Variants in HS6ST3 observed in about 807,000 individuals in gnomAD.
The protein encoded by HS6ST3 is heparan sulfate 6-O-sulfotransferase 3.
A neutral mutation model predicts 36.7 loss-of-function variants in HS6ST3; 12 were observed. The observed-to-expected ratio is 0.33, with a 90% CI of 0.21 to 0.53. The LOEUF (loss-of-function observed/expected upper bound fraction) is 0.53, where lower values mean the gene tolerates loss of function less well. HS6ST3 is among the 20% of genes least tolerant of loss of function. The probability of loss-of-function intolerance (pLI) is 0.95; values close to 1 mark genes in which losing one functional copy is unlikely to be tolerated. For missense variants in HS6ST3, 584 were observed against 640.9 expected (o/e 0.91, Z 0.96); for synonymous variants, 240 against 257.5 (o/e 0.93, Z 0.65).
intron 1 of HS6ST3, among the ~76,000 whole-genome samples, chr13:96,232,773 G>T (rs1484311844): frequency 6.6e-6 from 1 of 152,176 alleles, no homozygotes; most frequent in African/African-American, 2.4e-5. Context: ...TTCCCTTGGT[G>T]CTGTGCTCAA....
intron 1 of HS6ST3, among the ~76,000 whole-genome samples, chr13:96,375,428 C>T (rs2055310232): frequency 6.6e-6 from 1 of 152,122 alleles, no homozygotes; most frequent in Admixed American, 6.6e-5. Flanking sequence ...TGCTGTATTC[C>T]AATGCCTAGA....
At chr13:96,507,102 T>C (rs2056029596) in intron 1 of HS6ST3, among the ~76,000 whole-genome samples, 1 of 152,070 alleles carries the variant, frequency 6.6e-6, no homozygotes, top group Admixed American at 6.6e-5. Flanking sequence ...CTGAAAAAAA[T>C]TGGTTTCTTC....
In HS6ST3 at chr13:96,308,526, C is replaced by T. The variant is rs1448334863; in HGVS notation, c.707+216957C>T. ...TTAATGAGTAGATATTTGCATCAGG[C>T]AGCAGACTTATGTAAAAGACTTTAA... On this transcript the variant is annotated intron_variant, in intron 1 of 1. Coordinates refer to ENST00000376705, the MANE Select transcript of HS6ST3 (RefSeq NM_153456.4). 2.0e-5 allele frequency among the ~76,000 whole-genome samples: 3 copies of T among 152,168 alleles called. 1 individual carries two copies. In the South Asian group the frequency reaches 6.2e-4, roughly 32 times the overall value.
At chr13:96,419,886 C>T (rs1020544679) in intron 1 of HS6ST3, among the ~76,000 whole-genome samples, 1 of 152,146 alleles carries the variant, frequency 6.6e-6, no homozygotes, top group African/African-American at 2.4e-5. Context: ...CTCCAATGAT[C>T]TCATCTTAAA....
chr13:96,748,899 G>C (rs192703421), intron 1 of HS6ST3, among the ~76,000 whole-genome samples: 6 of 152,146 alleles, frequency 3.9e-5, no homozygotes, highest in Non-Finnish European at 7.4e-5. Flanking sequence ...CATTTGAGTT[G>C]GCACTTGATA....
intron 1 of HS6ST3, among the ~76,000 whole-genome samples, chr13:96,598,972 T>A (rs1255372181): frequency 6.6e-6 from 1 of 152,148 alleles, no homozygotes; most frequent in Non-Finnish European, 1.5e-5. Context: ...TCAGATTTAT[T>A]GACTTGTGTA....
At chr13:96,253,435 G>A (rs1450891901) in intron 1 of HS6ST3, among the ~76,000 whole-genome samples, 3 of 152,184 alleles carry the variant, frequency 2.0e-5, no homozygotes, top group Non-Finnish European at 4.4e-5. Context: ...GGAAAGGGAT[G>A]ACACAAGTGA....
In HS6ST3 at chr13:96,407,610, G is replaced by T. The variant is rs144936247; in HGVS notation, c.707+316041G>T. Reference sequence around the variant, plus strand: ...GAAGTGCCAATTACTTAAATCAGTAGATAAGATTTTGATAACCTAGCAAGA... The same window carrying T: ...GAAGTGCCAATTACTTAAATCAGTATATAAGATTTTGATAACCTAGCAAGA... On this transcript the variant is annotated intron_variant, in intron 1 of 1. Coordinates refer to ENST00000376705, the MANE Select transcript of HS6ST3 (RefSeq NM_153456.4). Among the ~76,000 whole-genome samples the T allele has an allele frequency of 2.0e-3, 310 of 152,282 alleles. 7 individuals carry two copies. In the East Asian group the frequency reaches 0.044, roughly 22 times the overall value.
intron 1 of HS6ST3, among the ~76,000 whole-genome samples, chr13:96,430,981 C>T (rs191364594): frequency 3.3e-5 from 5 of 152,062 alleles, no homozygotes; most frequent in Admixed American, 6.5e-5. Flanking sequence ...GGCCAAGGTG[C>T]GGGATTCGCT....
chr13:96,488,650 G>A (rs1434240461), intron 1 of HS6ST3, among the ~76,000 whole-genome samples: 1 of 151,924 alleles, frequency 6.6e-6, no homozygotes, highest in African/African-American at 2.4e-5. Flanking sequence ...GCACTTGGTG[G>A]GTAGAACTGG....
chr13:96,100,687 T>C (rs2053814075), intron 1 of HS6ST3, among the ~76,000 whole-genome samples: 1 of 152,100 alleles, frequency 6.6e-6, no homozygotes, highest in Admixed American at 6.6e-5. Flanking sequence ...ACCTGTCCAT[T>C]TCCTCCTATT....
intron 1 of HS6ST3, among the ~76,000 whole-genome samples, chr13:96,331,477 C>T (rs895831370): frequency 2.6e-5 from 4 of 152,186 alleles, no homozygotes; most frequent in African/African-American, 9.7e-5. Context: ...GGGGATGCCT[C>T]CCAGTTAGGC....
At chr13:96,637,740 A>T (rs908354788) in intron 1 of HS6ST3, among the ~76,000 whole-genome samples, 1 of 151,952 alleles carries the variant, frequency 6.6e-6, no homozygotes, top group Non-Finnish European at 1.5e-5. Context: ...GTAAACAAAT[A>T]AAAAAAACAA....
chr13:96,098,206 G>A (rs949621983), intron 1 of HS6ST3, among the ~76,000 whole-genome samples: 1 of 152,160 alleles, frequency 6.6e-6, no homozygotes, highest in African/African-American at 2.4e-5. Flanking sequence ...TCTTGAAAAG[G>A]TTAATGTAAT....
intron 1 of HS6ST3, among the ~76,000 whole-genome samples, chr13:96,370,080 A>G (rs1339111848): frequency 6.6e-6 from 1 of 152,112 alleles, no homozygotes; most frequent in African/African-American, 2.4e-5. Flanking sequence ...GCATATTAGG[A>G]CCATCTGGCA....
intron 1 of HS6ST3, 117 bp downstream of exon 1, chr13:96,091,686 A>T (rs900996836): frequency 2.9e-6 from 4 of 1,370,224 alleles, no homozygotes; most frequent in Non-Finnish European, 3.9e-6. Context: ...TGGCGTCTTC[A>T]GCGGTTGGCG....
chr13:96,319,314 T>C (rs1254526712), intron 1 of HS6ST3, among the ~76,000 whole-genome samples: 1 of 152,238 alleles, frequency 6.6e-6, no homozygotes, highest in Non-Finnish European at 1.5e-5. Flanking sequence ...ATCCATGCTC[T>C]AGCTTATAAC....
In HS6ST3 at chr13:96,833,719, T is replaced by C. The variant is rs1878860740; in HGVS notation, c.*521T>C. 1 of 152,986 alleles carries C rather than the reference T, an allele frequency of 6.5e-6. No individual in the cohort carries two copies. Among genetic ancestry groups the C allele is most frequent in the Non-Finnish European group, 1.5e-5 (1 of 68,612 alleles). The allele number at this position is 152,986 out of a possible 1,614,324, so 9.5% of individuals were successfully genotyped here. On this transcript the variant is annotated 3_prime_UTR_variant, in exon 2 of 2. Coordinates refer to ENST00000376705, the MANE Select transcript of HS6ST3 (RefSeq NM_153456.4). Reference sequence around the variant, plus strand: ...GGCTGTTGGCTGTCATCTTGAACTCTATTTGAATGTGACTTAAATCACAAG... The same window carrying C: ...GGCTGTTGGCTGTCATCTTGAACTCCATTTGAATGTGACTTAAATCACAAG...
At position 96,490,442 on chromosome 13, in the gene HS6ST3, C is replaced by T. The variant is rs1887598; in HGVS notation, c.708-342048C>T. On this transcript the variant is annotated intron_variant, in intron 1 of 1. Transcript: ENST00000376705. Reference sequence around the variant, plus strand: ...AGGTTCATAAATAAAAATAAATGTGCAGGACAGAATTTTAGGGACATTAAA... The same window carrying T: ...AGGTTCATAAATAAAAATAAATGTGTAGGACAGAATTTTAGGGACATTAAA... Among the ~76,000 whole-genome samples, 875 of 151,982 alleles carry T rather than the reference C, an allele frequency of 5.8e-3. 5 individuals are homozygous for T. The highest frequency in any genetic ancestry group is 9.1e-3 in the Non-Finnish European group (618 of 67,960).
Sources: gnomAD v4.1 joint callset for allele counts (sites outside exome capture counted in the v4.1 genomes callset) on GRCh38, gnomAD v4.1.1 for gene constraint, MANE v1.5 for transcripts, NCBI Gene and HGNC (gene_info 2026-07-23, HGNC 2026-07-21) for gene names.